Variants in MRPL1 observed in about 807,000 individuals in gnomAD.
MRPL1 encodes mitochondrial ribosomal protein L1, also known as large ribosomal subunit protein uL1m.
In MRPL1, 28 loss-of-function variants were observed where a neutral mutation model predicts 38.0. The observed-to-expected ratio is 0.74, with a 90% CI of 0.55 to 1.01. The LOEUF is 1.01. Ranked by LOEUF, MRPL1 falls within the 50% of genes least tolerant of loss-of-function variation. The pLI is 0.00. For synonymous variants in MRPL1, 123 were observed against 126.7 expected (o/e 0.97, Z 0.20); for missense variants, 358 against 389.8 (o/e 0.92, Z 0.69).
intron 7 of MRPL1, among the ~76,000 whole-genome samples, chr4:77,940,139 G>T (rs1016953974): frequency 3.9e-5 from 6 of 152,066 alleles, no homozygotes; most frequent in African/African-American, 9.7e-5. Context: ...TGACAGTATG[G>T]TCATTTTCAC....
intron 7 of MRPL1, among the ~76,000 whole-genome samples, chr4:77,924,798 C>G (rs888330632): frequency 5.3e-5 from 8 of 151,990 alleles, no homozygotes; most frequent in African/African-American, 1.7e-4. Flanking sequence ...AATTAATAAC[C>G]TTTTTCATCT....
chr4:77,937,379 C>CT (rs1306132150), intron 7 of MRPL1, among the ~76,000 whole-genome samples: 1 of 152,184 alleles, frequency 6.6e-6, no homozygotes, highest in Admixed American at 6.5e-5. Flanking sequence ...CGATTTCAGC[C>CT]TCCCAGGTTT....
chr4:77,936,168 A>ATT (rs5859592), intron 7 of MRPL1, among the ~76,000 whole-genome samples: 24 of 148,898 alleles, frequency 1.6e-4, no homozygotes, highest in South Asian at 4.2e-4. Context: ...GTATGGACGT[A>ATT]TTTTTTTTTT....
chr4:77,902,690 C>T (rs1451255582), intron 6 of MRPL1, among the ~76,000 whole-genome samples: 2 of 151,346 alleles, frequency 1.3e-5, no homozygotes, highest in African/African-American at 4.9e-5. Context: ...GACATGAATA[C>T]ATATCCCATA....
At chr4:77,929,862 T>G (rs1736805902) in intron 7 of MRPL1, among the ~76,000 whole-genome samples, 1 of 152,140 alleles carries the variant, frequency 6.6e-6, no homozygotes, top group South Asian at 2.1e-4. Flanking sequence ...CAAAAAATAT[T>G]TACCAAGTTT....
intron 5 of MRPL1, among the ~76,000 whole-genome samples, chr4:77,893,165 T>C (rs1025642861): frequency 6.6e-6 from 1 of 152,184 alleles, no homozygotes; most frequent in Non-Finnish European, 1.5e-5. Flanking sequence ...TATTTCTTGC[T>C]TGGGCAGTGG....
chr4:77,878,367 A>G (rs1735449909), intron 2 of MRPL1, among the ~76,000 whole-genome samples: 1 of 152,264 alleles, frequency 6.6e-6, no homozygotes, highest in South Asian at 2.1e-4. Context: ...ACTAAGAAAT[A>G]AGAATTCCAA....
chr4:77,925,917 T>C (rs761649003), intron 7 of MRPL1, among the ~76,000 whole-genome samples: 1 of 152,234 alleles, frequency 6.6e-6, no homozygotes, highest in Non-Finnish European at 1.5e-5. Context: ...CTTGAGACTT[T>C]CATTCTGGCA....
At chr4:77,876,785 A>G (rs750726809) in intron 2 of MRPL1, among the ~76,000 whole-genome samples, 7 of 152,176 alleles carry the variant, frequency 4.6e-5, no homozygotes, top group African/African-American at 1.4e-4. Context: ...GTGTTGTGCA[A>G]GCATATATCC....
intron 7 of MRPL1, among the ~76,000 whole-genome samples, chr4:77,947,640 C>G (rs965808455): frequency 1.1e-4 from 17 of 152,178 alleles, no homozygotes; most frequent in African/African-American, 3.9e-4. Context: ...GTTTGCTTTC[C>G]TGAGTTCTCT....
intron 7 of MRPL1, among the ~76,000 whole-genome samples, chr4:77,913,068 G>A (rs1470354995): frequency 1.3e-5 from 2 of 152,066 alleles, no homozygotes; most frequent in Non-Finnish European, 2.9e-5. Context: ...AGACCTAAAT[G>A]TAAAGCCTAA....
rs1400591955 is a variant in MRPL1 at position 77,927,356 on chromosome 4, TA to T, written c.777+17988del. ...ATCTTATTTACATTATTTATGTTTTTAAAACATATTTGGCACAGTTTCTGAA... is the reference window on the plus strand; with the variant it reads ...ATCTTATTTACATTATTTATGTTTTTAAACATATTTGGCACAGTTTCTGAA... On this transcript the variant is annotated intron_variant, in intron 7 of 8. Transcript: ENST00000315567. Among the ~76,000 whole-genome samples, 6 of 152,292 alleles carry T rather than the reference TA, an allele frequency of 3.9e-5. No homozygotes were observed. In the East Asian group the frequency reaches 1.2e-3, roughly 29 times the overall value.
intron 1 of MRPL1, among the ~76,000 whole-genome samples, chr4:77,871,308 CT>C (rs11327498): frequency 0.22 from 31,167 of 143,840 alleles, 3,831 homozygotes; most frequent in African/African-American, 0.37. Context: ...TATTATTACA[CT>C]TTTTTTTTTT....
Position 77,952,669 on chromosome 4 carries a change from A to T in MRPL1, c.*62A>T, listed in dbSNP as rs1801521. On this transcript the variant is annotated 3_prime_UTR_variant, in exon 9 of 9. Coordinates refer to ENST00000315567, the MANE Select transcript of MRPL1 (RefSeq NM_020236.4). ...GAAGCAATGGAGAAAATGATAATAC[A>T]GCATAATTTTTACATTTGATGTCTT... The T allele has an allele frequency of 0.042, 43,283 of 1,033,718 alleles. 1,710 individuals carry two copies. Among genetic ancestry groups the T allele is most frequent in the African/African-American group, 0.18 (10,996 of 61,336 alleles). The allele number at this position is 1,033,718 out of a possible 1,614,324, so 64.0% of individuals were successfully genotyped here.
intron 4 of MRPL1, among the ~76,000 whole-genome samples, chr4:77,885,656 T>G (rs369785959): frequency 8.5e-5 from 13 of 152,136 alleles, no homozygotes; most frequent in East Asian, 5.8e-4. Flanking sequence ...TGAGCCACCA[T>G]GTCCAGCCTC....
At chr4:77,881,970 G>GC (rs907874591) in intron 2 of MRPL1, among the ~76,000 whole-genome samples, 8 of 152,216 alleles carry the variant, frequency 5.3e-5, no homozygotes, top group African/African-American at 1.9e-4. Context: ...TCTAGAGGAT[G>GC]CCCCCCTATG....
intron 8 of MRPL1, among the ~76,000 whole-genome samples, chr4:77,950,606 T>TAAGCTA (rs1737386866): frequency 6.6e-6 from 1 of 152,214 alleles, no homozygotes; most frequent in Non-Finnish European, 1.5e-5. Context: ...TAAGCTATTT[T>TAAGCTA]TTACCTTCTT....
intron 7 of MRPL1, among the ~76,000 whole-genome samples, chr4:77,930,932 G>C (rs1736829345): frequency 6.6e-6 from 1 of 150,992 alleles, no homozygotes; most frequent in African/African-American, 2.5e-5. Context: ...TTTTTGAAAA[G>C]GGGGAAAGAC....
At chr4:77,924,771 T>C (rs1736672598) in intron 7 of MRPL1, among the ~76,000 whole-genome samples, 1 of 152,218 alleles carries the variant, frequency 6.6e-6, no homozygotes, top group South Asian at 2.1e-4. Context: ...ATATCGGTAC[T>C]CAGTATTTGT....
Sources: gnomAD v4.1 joint callset for allele counts (sites outside exome capture counted in the v4.1 genomes callset) on GRCh38, gnomAD v4.1.1 for gene constraint, MANE v1.5 for transcripts, NCBI Gene and HGNC (gene_info 2026-07-23, HGNC 2026-07-21) for gene names.